Variants in CYP2U1 observed in about 807,000 individuals in gnomAD.
The protein encoded by CYP2U1 is cytochrome P450 2U1.
In CYP2U1, 28 loss-of-function variants were observed where a neutral mutation model predicts 42.8. That is an observed-to-expected ratio of 0.65 (90% CI 0.48 to 0.90). CYP2U1 has a LOEUF of 0.90. CYP2U1 is among the 40% of genes least tolerant of loss of function. The pLI is 0.00. For synonymous variants in CYP2U1, 296 were observed against 278.9 expected (o/e 1.06, Z -0.61); for missense variants, 642 against 693.8 (o/e 0.93, Z 0.84).
intron 1 of CYP2U1, chr4:107,937,993 T>C (rs2126194257): frequency 6.6e-6 from 1 of 152,366 alleles, no homozygotes; most frequent in East Asian, 1.9e-4. Context: ...ATTTAGTCTA[T>C]ACTTTATTTG....
chr4:107,947,403 T>G lies in CYP2U1; in HGVS notation c.1154T>G (p.Val385Gly). 1 of 1,613,902 alleles carries G rather than the reference T, an allele frequency of 6.2e-7. No homozygotes were observed. Among genetic ancestry groups the G allele is most frequent in the Non-Finnish European group, 8.5e-7 (1 of 1,179,970 alleles). The change falls in exon 3 of 5, where the codon GTC (valine) becomes GGC (glycine). Residue 385 changes from valine (V) to glycine (G), a missense_variant. By Grantham distance (109) the Val-to-Gly change is moderately radical. Transcript: ENST00000332884. ...QEKVHEEIER[V>G]IGANRAPSLT... ...AAGGTTCATGAAGAAATTGAAAGAG[T>G]CATTGGCGCCAACCGAGCTCCTTCC...
In CYP2U1 at chr4:107,945,588, T is replaced by C; in HGVS notation, c.1109T>C (p.Leu370Pro). The C allele has an allele frequency of 6.3e-7, 1 of 1,581,986 alleles. No homozygotes were observed. Among genetic ancestry groups the C allele is most frequent in the Non-Finnish European group, 8.6e-7 (1 of 1,163,676 alleles). Residue 370 changes from leucine (L) to proline (P), a missense_variant, in exon 2 of 5, where the codon CTG (leucine) becomes CCG (proline). Coordinates refer to ENST00000332884, the MANE Select transcript of CYP2U1 (RefSeq NM_183075.3). ...CTCTGGTGCCTGCTGTATATGTCGC[T>C]GAACCCCGATGTACAAGGTAATTAA... ...SLLWCLLYMS[L>P]NPDVQEKVHE... is the part of the protein sequence containing the mutation.
chr4:107,948,568 G>A (rs1342159456), intron 3 of CYP2U1, among the ~76,000 whole-genome samples: 2 of 151,734 alleles, frequency 1.3e-5, no homozygotes, highest in Admixed American at 6.6e-5. Context: ...GAGTGAGACA[G>A]CCTGTCTCAA....
chr4:107,939,555 C>A (rs1237521933), intron 1 of CYP2U1, among the ~76,000 whole-genome samples: 9 of 152,148 alleles, frequency 5.9e-5, no homozygotes, highest in Non-Finnish European at 1.0e-4. Context: ...ATATGATTGG[C>A]AAATGACTTA....
intron 1 of CYP2U1, among the ~76,000 whole-genome samples, chr4:107,933,041 A>G (rs559233637): frequency 1.6e-4 from 24 of 152,248 alleles, no homozygotes; most frequent in African/African-American, 5.3e-4. Context: ...TCAAGTATCT[A>G]TTAAATGAAT....
At position 107,953,001 on chromosome 4, in the gene CYP2U1, T is replaced by C. The variant is rs1482980168; in HGVS notation, c.*2578T>C. Reference sequence around the variant, plus strand: ...CTGAGTGGATGGGGTAGCTGCTGTATAGATTTTTAGATGAGATGATACAGT... The same window carrying C: ...CTGAGTGGATGGGGTAGCTGCTGTACAGATTTTTAGATGAGATGATACAGT... On this transcript the variant is annotated 3_prime_UTR_variant, in exon 5 of 5. Transcript: ENST00000332884. The C allele has an allele frequency of 6.6e-6, 1 of 152,304 alleles. No individual in the cohort carries two copies. 9.4% of individuals were successfully genotyped at this position (152,304 alleles called of 1,614,324 possible). A position where few individuals can be genotyped will look rare whatever the true frequency, so the allele number is the denominator to read the frequency against.
At chr4:107,947,150 C>G (rs941630663) in intron 2 of CYP2U1, among the ~76,000 whole-genome samples, 1 of 152,164 alleles carries the variant, frequency 6.6e-6, no homozygotes, top group Middle Eastern at 3.2e-3. Flanking sequence ...GCCCCTCTAT[C>G]TGTTACACTA....
intron 1 of CYP2U1, chr4:107,940,262 T>TA (rs1449609041): frequency 6.6e-6 from 1 of 151,460 alleles, no homozygotes; most frequent in African/African-American, 2.4e-5. Context: ...ATTTTTTTTT[T>TA]ATTTTTTAAA....
intron 2 of CYP2U1, 49 bp downstream of exon 2, chr4:107,945,654 A>G (rs1321501811): frequency 3.3e-6 from 5 of 1,521,546 alleles, no homozygotes; most frequent in South Asian, 1.3e-5. Context: ...GGTAATTTAA[A>G]TGAGGATTAG....
chr4:107,942,279 G>T (rs1031668648), intron 1 of CYP2U1, among the ~76,000 whole-genome samples: 1 of 152,018 alleles, frequency 6.6e-6, no homozygotes, highest in Non-Finnish European at 1.5e-5. Context: ...CACCTATTAG[G>T]CTCCTCCACC....
chr4:107,931,586 C>T lies in CYP2U1; in HGVS notation c.-58C>T. The T allele has an allele frequency of 8.1e-7, 1 of 1,227,290 alleles. No homozygotes were observed. Among genetic ancestry groups the T allele is most frequent in the Non-Finnish European group, 1.0e-6 (1 of 985,358 alleles). 76.0% of individuals were successfully genotyped at this position (1,227,290 alleles called of 1,614,324 possible). ...GACACTGGCGCCGCGGGTCAGGCAG[C>T]TGCGTGCGCGTCTCCTCCAGGCAGC... On this transcript the variant is annotated 5_prime_UTR_variant, in exon 1 of 5. Coordinates refer to ENST00000332884, the MANE Select transcript of CYP2U1 (RefSeq NM_183075.3).
chr4:107,950,476 A>G lies in CYP2U1; in HGVS notation c.*53A>G, dbSNP rs1733872594. 2.0e-6 allele frequency: 3 copies of G among 1,515,062 alleles called. No homozygotes were observed. The highest frequency in any genetic ancestry group is 2.6e-6 in the Non-Finnish European group (3 of 1,132,876). The allele number at this position is 1,515,062 out of a possible 1,614,324, so 93.9% of individuals were successfully genotyped here. Reference sequence around the variant, plus strand: ...AAGATATATAAATACATATCCTTCTAAGCAGATTCTTCCTACTGCAAAGGA... The same window carrying G: ...AAGATATATAAATACATATCCTTCTGAGCAGATTCTTCCTACTGCAAAGGA... On this transcript the variant is annotated 3_prime_UTR_variant, in exon 5 of 5. Coordinates refer to ENST00000332884, the MANE Select transcript of CYP2U1 (RefSeq NM_183075.3).
At chr4:107,944,599 C>A (rs1733614559) in intron 1 of CYP2U1, among the ~76,000 whole-genome samples, 1 of 151,576 alleles carries the variant, frequency 6.6e-6, no homozygotes, top group Admixed American at 6.6e-5. Flanking sequence ...AGCCACTGTA[C>A]CTGTCCACCT....
intron 4 of CYP2U1, among the ~76,000 whole-genome samples, chr4:107,949,875 T>C (rs1321811673): frequency 6.6e-6 from 1 of 152,130 alleles, no homozygotes; most frequent in East Asian, 1.9e-4. Flanking sequence ...TAGAATTCTT[T>C]CTGTGGAAAA....
In CYP2U1 at chr4:107,945,046, G is replaced by A. The variant is rs772710211; in HGVS notation, c.567G>A (p.Gly189=). Residue 189 remains glycine, a synonymous_variant, in exon 2 of 5, where the codon GGG becomes GGA. Coordinates refer to ENST00000332884, the MANE Select transcript of CYP2U1 (RefSeq NM_183075.3). Reference sequence around the variant, plus strand: ...CTCATTCAACTCTTCGTCATTTTGGGTTGGGAAAACTTAGCTTGGAGCCCA... The same window carrying A: ...CTCATTCAACTCTTCGTCATTTTGGATTGGGAAAACTTAGCTTGGAGCCCA... ...KFSHSTLRHF[G]LGKLSLEPKI... 1.2e-5 allele frequency: 20 copies of A among 1,613,350 alleles called. No individual in the cohort carries two copies. Among genetic ancestry groups the A allele is most frequent in the Non-Finnish European group, 1.6e-5 (19 of 1,179,922 alleles).
At position 107,931,767 on chromosome 4, in the gene CYP2U1, C is replaced by G. The variant is rs901277054; in HGVS notation, c.124C>G (p.Leu42Val). The change falls in exon 1 of 5, where the codon CTC (leucine) becomes GTC (valine). Residue 42 changes from leucine to valine, a missense_variant. Transcript: ENST00000332884. ...PSGGALLLCG[L>V]VALLGWSWLR... Reference sequence around the variant, plus strand: ...CGGGGGCGCGCTGCTGCTATGCGGCCTCGTAGCGCTGCTGGGCTGGAGCTG... The same window carrying G: ...CGGGGGCGCGCTGCTGCTATGCGGCGTCGTAGCGCTGCTGGGCTGGAGCTG... 3 of 1,482,258 alleles carry G rather than the reference C, an allele frequency of 2.0e-6. No homozygotes were observed. The highest frequency in any genetic ancestry group is 2.7e-6 in the Non-Finnish European group (3 of 1,123,170). 91.8% of individuals were successfully genotyped at this position (1,482,258 alleles called of 1,614,324 possible). A position where few individuals can be genotyped will look rare whatever the true frequency, so the allele number is the denominator to read the frequency against.
At chr4:107,933,494 T>C (rs1404992194) in intron 1 of CYP2U1, among the ~76,000 whole-genome samples, 1 of 152,252 alleles carries the variant, frequency 6.6e-6, no homozygotes, top group Admixed American at 6.5e-5. Flanking sequence ...GTGGGGCATT[T>C]AAAGTATTAT....
chr4:107,943,215 T>C (rs908212620), intron 1 of CYP2U1, among the ~76,000 whole-genome samples: 1 of 152,220 alleles, frequency 6.6e-6, no homozygotes, highest in South Asian at 2.1e-4. Context: ...GCAACTATTC[T>C]GAACAAATGA....
In CYP2U1 at chr4:107,931,661, G is replaced by T; in HGVS notation, c.18G>T (p.Pro6=). Reference sequence around the variant, plus strand: ...CCCGGACCATGTCGTCTCCGGGGCCGTCGCAGCCGCCGGCCGAGGACCCGC... The same window carrying T: ...CCCGGACCATGTCGTCTCCGGGGCCTTCGCAGCCGCCGGCCGAGGACCCGC... MSSPG[P]SQPPAEDPPW... The change falls in exon 1 of 5, where the codon CCG becomes CCT. Residue 6 remains proline (P), a synonymous_variant. Coordinates refer to ENST00000332884, the MANE Select transcript of CYP2U1 (RefSeq NM_183075.3). 2.4e-6 allele frequency: 3 copies of T among 1,258,932 alleles called. No homozygotes were observed. Among genetic ancestry groups the T allele is most frequent in the Non-Finnish European group, 3.0e-6 (3 of 1,006,096 alleles). 78.0% of individuals were successfully genotyped at this position (1,258,932 alleles called of 1,614,324 possible).
Sources: allele counts gnomAD v4.1 joint callset (sites outside exome capture counted in the v4.1 genomes callset), GRCh38; gene constraint gnomAD v4.1.1; transcripts MANE v1.5; gene names NCBI Gene and HGNC (gene_info 2026-07-23, HGNC 2026-07-21).